MESD: variants seen among roughly 807,000 people sequenced by gnomAD.
MESD encodes LRP chaperone MESD.
Under a neutral mutation model 12.9 loss-of-function variants are expected in MESD, and 7 were observed. That is an observed-to-expected ratio of 0.54 (90% CI 0.31 to 1.02). The LOEUF (loss-of-function observed/expected upper bound fraction) is 1.02. Among genes scored for constraint, MESD ranks in the 50% least tolerant of loss-of-function variants. The pLI is 0.05. For missense variants in MESD, 342 were observed against 296.7 expected (o/e 1.15, Z -1.12); for synonymous variants, 126 against 115.6 (o/e 1.09, Z -0.58).
chr15:80,961,889 C>A (rs1902093199), intron 3 of MESD, among the ~76,000 whole-genome samples: 1 of 152,278 alleles, frequency 6.6e-6, no homozygotes, highest in South Asian at 2.1e-4. Flanking sequence ...CAAAAACATG[C>A]CAAATTGTAA....
intron 4 of MESD, chr15:80,949,540 C>G (rs1369854423): frequency 4.2e-5 from 7 of 166,786 alleles, no homozygotes; most frequent in Admixed American, 3.8e-4. Flanking sequence ...AGATGACTCT[C>G]AAAGGCCCTT....
intron 3 of MESD, among the ~76,000 whole-genome samples, chr15:80,953,888 TCCCATA>T (rs1901908115): frequency 6.6e-6 from 1 of 152,046 alleles, no homozygotes; most frequent in Non-Finnish European, 1.5e-5. Context: ...AGAATTTTGT[TCCCATA>T]CCCACAGGCA....
intron 1 of MESD, among the ~76,000 whole-genome samples, chr15:80,983,697 G>A (rs1203796593): frequency 6.6e-6 from 1 of 152,096 alleles, no homozygotes; most frequent in Non-Finnish European, 1.5e-5. Flanking sequence ...GCATCACAAA[G>A]TAGTAAAGTG....
chr15:80,985,001 C>T (rs1174198824), intron 1 of MESD, among the ~76,000 whole-genome samples: 1 of 152,222 alleles, frequency 6.6e-6, no homozygotes, highest in Non-Finnish European at 1.5e-5. Flanking sequence ...AGAATCCTTA[C>T]GCCTCGAGGC....
At position 80,977,819 on chromosome 15, in the gene MESD, C is replaced by A. The variant is rs1902458550; in HGVS notation, c.*1400G>T. ...GATGCAGGAGGAACAAGAAAAGCCT[C>A]TTTCAGGGCCTAGTACCCTAGTACG... On this transcript the variant is annotated 3_prime_UTR_variant, in exon 3 of 3. Coordinates refer to ENST00000261758, the MANE Select transcript of MESD (RefSeq NM_015154.3). The A allele has an allele frequency of 6.6e-6, 1 of 152,260 alleles. No individual in the cohort carries two copies. Among genetic ancestry groups the A allele is most frequent in the African/African-American group, 2.4e-5 (1 of 41,440 alleles). The allele number at this position is 152,260 out of a possible 1,614,324, so 9.4% of individuals were successfully genotyped here.
chr15:80,981,610 C>T (rs899541996), intron 2 of MESD, among the ~76,000 whole-genome samples: 1 of 152,022 alleles, frequency 6.6e-6, no homozygotes, highest in African/African-American at 2.4e-5. Flanking sequence ...AATCCCAGCA[C>T]TTAGGGAGGC....
At chr15:80,975,216 A>AC (rs1440289553), downstream of MESD, among the ~76,000 whole-genome samples, 2 of 148,672 alleles carry the variant, frequency 1.3e-5, no homozygotes, top group African/African-American at 5.0e-5. Flanking sequence ...TCCAAAAAAA[A>AC]AAAACAAAAA....
downstream of MESD, chr15:80,946,666 C>T (rs536259421): frequency 9.5e-6 from 4 of 422,398 alleles, no homozygotes; most frequent in East Asian, 1.5e-4. Flanking sequence ...GCTCTGCTTA[C>T]ATCCTCTCCT....
chr15:80,956,346 G>C lies in MESD; in HGVS notation c.*289-4050C>G, dbSNP rs1471235803. Among the ~76,000 whole-genome samples, 9 of 152,264 alleles carry C rather than the reference G, an allele frequency of 5.9e-5. No homozygotes were observed. In the South Asian group the frequency reaches 1.9e-3, roughly 32 times the overall value. On this transcript the variant is annotated intron_variant, in intron 3 of 4. Coordinates refer to the MESD transcript ENST00000561312. ...CGGAAGGCGTCCAACTGCTCCCCTC[G>C]ACTGCAAGATTCCTTCTTTCTTCCC...
exon 5 of MESD, chr15:80,948,662 C>T: frequency 8.4e-7 from 1 of 1,194,124 alleles, no homozygotes; most frequent in Non-Finnish European, 1.2e-6. Context: ...GAGCTCTTCC[C>T]AAGGGGCCAC....
intron 4 of MESD, chr15:80,949,123 C>A: frequency 1.4e-6 from 1 of 698,970 alleles, no homozygotes; most frequent in Admixed American, 2.2e-5. Context: ...CTACCTGGAG[C>A]CCCTGGGGCG....
downstream of MESD, among the ~76,000 whole-genome samples, chr15:80,971,863 T>C (rs1016183910): frequency 1.3e-5 from 2 of 151,430 alleles, no homozygotes; most frequent in African/African-American, 4.9e-5. Context: ...GGTGGGAGGA[T>C]TGATTAAGCC....
At chr15:80,984,635 T>C (rs559486565) in intron 1 of MESD, among the ~76,000 whole-genome samples, 2 of 152,234 alleles carry the variant, frequency 1.3e-5, no homozygotes, top group Admixed American at 6.5e-5. Context: ...GAAGGTTTCT[T>C]TTGGGGATGA....
rs1446737360 is a variant in MESD at position 80,982,000 on chromosome 15, A to C, written c.396T>G (p.Ile132Met). ...GSPTEKETEEITSLWQGSLFN... is the reference protein window; with the variant it reads ...GSPTEKETEEMTSLWQGSLFN... ...AAAGGCTGCCCTGCCAGAGGCTCGT[A>C]ATTTCCTCTGTCTCCTTCTCAGTAG... Residue 132 changes from isoleucine (I) to methionine (M), a missense_variant, in exon 2 of 3, where the codon ATT becomes ATG. Coordinates refer to ENST00000261758, the MANE Select transcript of MESD (RefSeq NM_015154.3). 6.2e-7 allele frequency: 1 copy of C among 1,614,132 alleles called. No individual in the cohort carries two copies. The highest frequency in any genetic ancestry group is 8.5e-7 in the Non-Finnish European group (1 of 1,180,022).
intron 3 of MESD, among the ~76,000 whole-genome samples, chr15:80,970,260 G>T (rs927510033): frequency 1.1e-4 from 16 of 152,136 alleles, no homozygotes; most frequent in African/African-American, 3.6e-4. Context: ...TTTTTAAATT[G>T]ACTTTCCTTT....
intron 3 of MESD, among the ~76,000 whole-genome samples, chr15:80,955,711 C>A (rs530552092): frequency 3.3e-5 from 5 of 151,216 alleles, no homozygotes; most frequent in Non-Finnish European, 1.5e-5. Context: ...ACCTCCGCCC[C>A]CCAGGTTCAA....
intron 1 of MESD, among the ~76,000 whole-genome samples, chr15:80,988,392 C>A (rs1200541893): frequency 6.6e-6 from 1 of 152,206 alleles, no homozygotes; most frequent in Non-Finnish European, 1.5e-5. Context: ...GCACCCTCTT[C>A]GTCTAGCTCA....
chr15:80,965,218 C>G (rs1188347874), intron 3 of MESD, among the ~76,000 whole-genome samples: 1 of 152,176 alleles, frequency 6.6e-6, no homozygotes, highest in Non-Finnish European at 1.5e-5. Flanking sequence ...TTCATGATCA[C>G]TGGTCATCAG....
intron 3 of MESD, among the ~76,000 whole-genome samples, chr15:80,955,505 A>AG: frequency 6.6e-6 from 1 of 150,768 alleles, no homozygotes; most frequent in East Asian, 2.0e-4. Flanking sequence ...AAAAAAAAAA[A>AG]GAAATGCCCA....
Sources: allele counts gnomAD v4.1 joint callset (sites outside exome capture counted in the v4.1 genomes callset), GRCh38; gene constraint gnomAD v4.1.1; transcripts MANE v1.5; gene names NCBI Gene and HGNC (gene_info 2026-07-23, HGNC 2026-07-21).